CCDC150: variants seen among roughly 807,000 people sequenced by gnomAD.
CCDC150 encodes coiled-coil domain-containing protein 150.
CCDC150 carries 151 observed loss-of-function variants against 156.5 expected under a neutral mutation model. That is an observed-to-expected ratio of 0.97 (90% CI 0.85 to 1.10). CCDC150 has a LOEUF of 1.10. CCDC150 is among the 50% of genes least tolerant of loss of function. The probability of loss-of-function intolerance (pLI) is 0.00; values close to 1 mark genes in which losing one functional copy is unlikely to be tolerated. For synonymous variants in CCDC150, 452 were observed against 429.4 expected (o/e 1.05, Z -0.65); for missense variants, 1,312 against 1,268.1 (o/e 1.03, Z -0.53).
intron 14 of CCDC150, among the ~76,000 whole-genome samples, 183 bp from the exon 15 acceptor site, chr2:196,700,926 C>T (rs1481869536): frequency 6.6e-6 from 1 of 152,186 alleles, no homozygotes; most frequent in African/African-American, 2.4e-5. Flanking sequence ...AGTCTCTGTA[C>T]ATGTTGCATA....
At chr2:196,699,721 T>C (rs1696076522) in intron 14 of CCDC150, among the ~76,000 whole-genome samples, 1 of 152,170 alleles carries the variant, frequency 6.6e-6, no homozygotes, top group African/African-American at 2.4e-5. Flanking sequence ...GGTTTTGCTA[T>C]GTTGACCAGA....
At position 196,701,174 on chromosome 2, in the gene CCDC150, A is replaced by C; in HGVS notation, c.1689A>C (p.Lys563Asn). 2.5e-6 allele frequency: 4 copies of C among 1,585,804 alleles called. No individual in the cohort carries two copies. The highest frequency in any genetic ancestry group is 3.4e-6 in the Non-Finnish European group (4 of 1,163,298). Residue 563 changes from lysine (K) to asparagine (N), a missense_variant, in exon 15 of 28, where the codon AAA becomes AAC. By Grantham distance (94) the Lys-to-Asn change is moderately conservative. Transcript: ENST00000389175. The stretch of plus-strand genomic sequence containing the variant: ...ATAAACTGGCCTATGAAAACGGAAA[A>C]CTCCAGGTATGAGATTTATTTTCTG... The part of the protein sequence containing the change: ...SKNKLAYENG[K>N]LQIKVKQLEE...
chr2:196,687,649 C>T (rs992263559), intron 13 of CCDC150, among the ~76,000 whole-genome samples: 4 of 152,018 alleles, frequency 2.6e-5, no homozygotes, highest in East Asian at 3.9e-4. Context: ...TTGCTTTTGA[C>T]GTCTTTGTCA....
chr2:196,700,373 G>T (rs962274998), intron 14 of CCDC150, among the ~76,000 whole-genome samples: 1 of 152,146 alleles, frequency 6.6e-6, no homozygotes. Flanking sequence ...TATAACACTG[G>T]CATTGATTGT....
chr2:196,715,479 T>G (rs1446165110), intron 17 of CCDC150, among the ~76,000 whole-genome samples: 1 of 152,168 alleles, frequency 6.6e-6, no homozygotes, highest in Non-Finnish European at 1.5e-5. Context: ...GGCAACATTA[T>G]TTTTGAGGAA....
intron 14 of CCDC150, among the ~76,000 whole-genome samples, chr2:196,700,351 C>T (rs1221885984): frequency 6.6e-6 from 1 of 152,132 alleles, no homozygotes; most frequent in East Asian, 1.9e-4. Context: ...GCAATATTTC[C>T]TGTTATTAAG....
rs1357104199 is a variant in CCDC150, at chr2:196,723,779, A to C, written c.2429+2088A>C. ...CTGGGTTTTGCAACAGGTATCTACC[A>C]ATCATCCTCCAGATGGCCAGTTTCT... On this transcript the variant is annotated intron_variant, in intron 21 of 27. Transcript: ENST00000389175. 5.3e-5 allele frequency among the ~76,000 whole-genome samples: 8 copies of C among 152,216 alleles called. No individual in the cohort carries two copies. The East Asian group carries it at 1.5e-3, about 29-fold the overall frequency.
rs574622367 is a variant in CCDC150 at position 196,688,090 on chromosome 2, T to C, written c.1510-6956T>C. Among the ~76,000 whole-genome samples, 18 of 152,322 alleles carry C rather than the reference T, an allele frequency of 1.2e-4. No homozygotes were observed. In the South Asian group the frequency reaches 3.7e-3, roughly 32 times the overall value. On this transcript the variant is annotated intron_variant, in intron 13 of 27. Transcript: ENST00000389175. ...AGGATTTTCTTAGCTGTTCAGGCTC[T>C]TTTTTGGTTCCATATAAATTTTAAA... is the stretch of plus-strand genomic sequence containing the variant.
chr2:196,686,968 C>T (rs569326626), intron 13 of CCDC150, among the ~76,000 whole-genome samples: 2 of 152,306 alleles, frequency 1.3e-5, no homozygotes, highest in South Asian at 4.1e-4. Flanking sequence ...CATAGTATTC[C>T]ATGGTGTATA....
At chr2:196,677,862 C>T (rs1049854813) in intron 13 of CCDC150, among the ~76,000 whole-genome samples, 12 of 152,094 alleles carry the variant, frequency 7.9e-5, no homozygotes, top group South Asian at 2.1e-4. Flanking sequence ...TGGTGGTGGG[C>T]GCCTGTAATC....
At chr2:196,673,143 A>T (rs1694305351) in intron 9 of CCDC150, among the ~76,000 whole-genome samples, 1 of 152,166 alleles carries the variant, frequency 6.6e-6, no homozygotes, top group African/African-American at 2.4e-5. Flanking sequence ...TTCTATACTA[A>T]TAGTAGGTAA....
chr2:196,689,586 C>T (rs1432432370), intron 13 of CCDC150, among the ~76,000 whole-genome samples: 1 of 152,014 alleles, frequency 6.6e-6, no homozygotes, highest in Non-Finnish European at 1.5e-5. Flanking sequence ...GATTTTTGTA[C>T]ATTGATTTTG....
At chr2:196,730,453 A>G (rs1326805754) in intron 25 of CCDC150, among the ~76,000 whole-genome samples, 6 of 152,228 alleles carry the variant, frequency 3.9e-5, no homozygotes, top group Non-Finnish European at 8.8e-5. Context: ...CTTCTAGCAC[A>G]GATACACCTG....
chr2:196,716,574 T>G (rs781763099), intron 17 of CCDC150, among the ~76,000 whole-genome samples: 4 of 152,134 alleles, frequency 2.6e-5, no homozygotes, highest in Admixed American at 2.0e-4. Context: ...AACAGATCAG[T>G]GGTTACCTGT....
At chr2:196,644,815 A>G (rs1692435331) in intron 1 of CCDC150, among the ~76,000 whole-genome samples, 1 of 152,134 alleles carries the variant, frequency 6.6e-6, no homozygotes, top group Non-Finnish European at 1.5e-5. Flanking sequence ...CACCATAGTA[A>G]GAGTAAAAAG....
Position 196,646,569 on chromosome 2 carries a change from G to A in CCDC150, c.176+65G>A. ...TTGCTTCACTGCTTATTAAGTCACA[G>A]TAGTTTGGCAGATGAGATGGATATT... On this transcript the variant is annotated intron_variant, in intron 2 of 27. Coordinates refer to ENST00000389175, the MANE Select transcript of CCDC150 (RefSeq NM_001080539.2). 2.4e-6 allele frequency: 3 copies of A among 1,257,890 alleles called. No individual in the cohort carries two copies. The South Asian group carries it at 3.8e-5, about 16-fold the overall frequency. 77.9% of individuals were successfully genotyped at this position (1,257,890 alleles called of 1,614,324 possible). A position where few individuals can be genotyped will look rare whatever the true frequency, so the allele number is the denominator to read the frequency against.
intron 15 of CCDC150, among the ~76,000 whole-genome samples, chr2:196,702,572 T>C (rs1349640794): frequency 1.3e-5 from 2 of 151,904 alleles, no homozygotes; most frequent in African/African-American, 2.4e-5. Flanking sequence ...GGTTTCTCCA[T>C]GTAGCCCAGG....
chr2:196,696,720 A>T (rs1332793815), intron 14 of CCDC150, among the ~76,000 whole-genome samples: 1 of 152,154 alleles, frequency 6.6e-6, no homozygotes, highest in East Asian at 1.9e-4. Context: ...TGAGCTAGGG[A>T]TTTCAGGATT....
Position 196,706,688 on chromosome 2 carries a change from A to G in CCDC150, c.1696-5457A>G, listed in dbSNP as rs560190327. Among the ~76,000 whole-genome samples the G allele has an allele frequency of 1.4e-4, 22 of 152,304 alleles. 1 individual carries two copies. Among genetic ancestry groups the G allele is most frequent in the East Asian group, 5.8e-4 (3 of 5,186 alleles). On this transcript the variant is annotated intron_variant, in intron 15 of 27. Coordinates refer to ENST00000389175, the MANE Select transcript of CCDC150 (RefSeq NM_001080539.2). ...TCTTATTATTTTGAGACAATGTTCC[A>G]TCAATACCTAGCTTATTGAGAGTTT...
Sources: allele counts gnomAD v4.1 joint callset (sites outside exome capture counted in the v4.1 genomes callset), GRCh38; gene constraint gnomAD v4.1.1; transcripts MANE v1.5; gene names NCBI Gene and HGNC (gene_info 2026-07-23, HGNC 2026-07-21).